The following PASK variants were observed in gnomAD, a reference collection of about 807,000 sequenced individuals.
PASK encodes PAS domain-containing serine/threonine-protein kinase.
Under a neutral mutation model 121.0 loss-of-function variants are expected in PASK, and 110 were observed. That is an observed-to-expected ratio of 0.91 (90% CI 0.78 to 1.06). The LOEUF (loss-of-function observed/expected upper bound fraction) is 1.06. Among genes scored for constraint, PASK ranks in the 50% least tolerant of loss-of-function variants. The pLI, the probability that PASK is intolerant of heterozygous loss-of-function variation, is 0.00. For missense variants in PASK, 1,643 were observed against 1,702.3 expected (o/e 0.97, Z 0.61); for synonymous variants, 686 against 717.8 (o/e 0.96, Z 0.71).
At chr2:241,134,287 G>C (rs1258861883) in intron 8 of PASK, 1 of 152,166 alleles carries the variant, frequency 6.6e-6, no homozygotes, top group African/African-American at 2.4e-5. Context: ...TCTGGAAAAA[G>C]GGGAAGGGGA....
chr2:241,121,024 A>G (rs561058174), intron 12 of PASK, among the ~76,000 whole-genome samples: 1 of 152,370 alleles, frequency 6.6e-6, no homozygotes, highest in Admixed American at 6.5e-5. Context: ...ACATGCTGCA[A>G]TATGGATGAA....
chr2:241,136,987 G>A lies in PASK; in HGVS notation c.1137+17C>T, dbSNP rs770098471. The A allele has an allele frequency of 6.8e-6, 11 of 1,609,966 alleles. No homozygotes were observed. Among genetic ancestry groups the A allele is most frequent in the South Asian group, 1.1e-5 (1 of 91,034 alleles). On this transcript the variant is annotated intron_variant, in intron 7 of 17. Transcript: ENST00000234040. ...TCCTCCCAGGGAACGGGAGCCAGGCGCCCAGGGCAGCCCCACCTTGCCCAG... is the reference window on the plus strand; with the variant it reads ...TCCTCCCAGGGAACGGGAGCCAGGCACCCAGGGCAGCCCCACCTTGCCCAG...
At position 241,108,496 on chromosome 2, in the gene PASK, T is replaced by C. The variant is rs2125399172; in HGVS notation, c.3534-196A>G. 3.1e-6 allele frequency: 2 copies of C among 651,706 alleles called. No homozygotes were observed. Among genetic ancestry groups the C allele is most frequent in the South Asian group, 3.4e-5 (2 of 58,418 alleles). The allele number at this position is 651,706 out of a possible 1,614,324, so 40.4% of individuals were successfully genotyped here. The stretch of plus-strand genomic sequence containing the variant: ...GCCCCAGGCCAGCCAGCAGGCCATG[T>C]GCCAGGAGTGGAGAGGCCATCGGGC... On this transcript the variant is annotated intron_variant, in intron 15 of 17. Transcript: ENST00000234040. The surrounding 1 kb of genome is among the most constrained non-coding windows in gnomAD (Gnocchi z 5.2).
chr2:241,118,252 AT>A (rs765556315), intron 12 of PASK, among the ~76,000 whole-genome samples: 23 of 152,268 alleles, frequency 1.5e-4, no homozygotes, highest in Non-Finnish European at 2.6e-4. Context: ...AAGGACTAGC[AT>A]TTTCCAGTTT....
intron 11 of PASK, among the ~76,000 whole-genome samples, chr2:241,123,603 A>G (rs2065722278): frequency 6.6e-6 from 1 of 152,056 alleles, no homozygotes; most frequent in Non-Finnish European, 1.5e-5. Flanking sequence ...GGATCGCCTG[A>G]GGTCAGGAGG....
intron 8 of PASK, 29 bp downstream of exon 8, chr2:241,135,842 G>A: frequency 6.2e-7 from 1 of 1,604,586 alleles, no homozygotes; most frequent in Non-Finnish European, 8.5e-7. Flanking sequence ...GCAGCTACAG[G>A]CGCATTCAGG....
At position 241,132,974 on chromosome 2, in the gene PASK, G is replaced by A. The variant is rs61752510; in HGVS notation, c.1363C>T (p.Arg455Trp). 2.2e-3 allele frequency: 3,550 copies of A among 1,613,778 alleles called. 62 individuals are homozygous for A. In the African/African-American group the frequency reaches 0.037, roughly 17 times the overall value. Residue 455 changes from arginine (R) to tryptophan (W), a missense_variant, in exon 9 of 18, where the codon CGG (arginine) becomes TGG (tryptophan). Coordinates refer to ENST00000234040, the MANE Select transcript of PASK (RefSeq NM_015148.4). ...GGHVVPRDEIRKLMESQDIFT... is the reference protein window; with the variant it reads ...GGHVVPRDEIWKLMESQDIFT... Reference sequence around the variant, plus strand: ...ATGTCTTGGCTTTCCATCAGCTTCCGGATCTCATCTCGGGGCACAACGTGG... The same window carrying A: ...ATGTCTTGGCTTTCCATCAGCTTCCAGATCTCATCTCGGGGCACAACGTGG...
intron 9 of PASK, among the ~76,000 whole-genome samples, chr2:241,128,695 C>A (rs758403851): frequency 6.6e-6 from 1 of 152,090 alleles, no homozygotes; most frequent in Non-Finnish European, 1.5e-5. Flanking sequence ...AGTGAGACCT[C>A]GTCTCTACAA....
At chr2:241,114,160 C>T (rs1056915) in intron 14 of PASK, 64,428 of 984,256 alleles carry the variant, frequency 0.065, 2,261 homozygotes, top group East Asian at 0.12. Flanking sequence ...AAAGGGAGGA[C>T]GTCACCTTCC....
In PASK at chr2:241,108,041, TAGAAA is replaced by T. The variant is rs2064958957; in HGVS notation, c.3667+121_3667+125del. 5 of 942,050 alleles carry T rather than the reference TAGAAA, an allele frequency of 5.3e-6. No individual in the cohort carries two copies. The East Asian group carries it at 1.2e-4, about 23-fold the overall frequency. 58.4% of individuals were successfully genotyped at this position (942,050 alleles called of 1,614,324 possible). On this transcript the variant is annotated intron_variant, in intron 16 of 17. Transcript: ENST00000234040. The surrounding 1 kb of genome is among the most constrained non-coding windows in gnomAD (Gnocchi z 5.2). Reference sequence around the variant, plus strand: ...AGTCATATGCAAATTATTTGATGAATAGAAAAGAAACAAATGAGACTGTTGATATG... The same window carrying T: ...AGTCATATGCAAATTATTTGATGAATAGAAACAAATGAGACTGTTGATATG...
chr2:241,139,551 C>G (rs879534214), intron 4 of PASK: 13 of 565,598 alleles, frequency 2.3e-5, no homozygotes, highest in Non-Finnish European at 2.8e-5. Flanking sequence ...AACCATATTA[C>G]TCTTGAGCAT....
At chr2:241,144,199 T>C (rs2066847874) in intron 1 of PASK, among the ~76,000 whole-genome samples, 1 of 151,968 alleles carries the variant, frequency 6.6e-6, no homozygotes, top group South Asian at 2.1e-4. Flanking sequence ...TCTTGTCACA[T>C]GTATACATTC....
chr2:241,132,527 TAAAAAAA>T (rs71049553), intron 9 of PASK, among the ~76,000 whole-genome samples: 2,164 of 39,602 alleles, frequency 0.055, 161 homozygotes, highest in East Asian at 0.34. Flanking sequence ...AGACTCTGTC[TAAAAAAA>T]AAAAAAAAAA....
At chr2:241,110,304 G>C (rs777219732) in intron 15 of PASK, among the ~76,000 whole-genome samples, 8 of 152,260 alleles carry the variant, frequency 5.3e-5, no homozygotes, top group Admixed American at 2.6e-4. Context: ...TGAGGAAGGG[G>C]AAGAGGGACC....
In PASK at chr2:241,142,952, C is replaced by G; in HGVS notation, c.81G>C (p.Glu27Asp). 6.2e-7 allele frequency: 1 copy of G among 1,613,940 alleles called. No homozygotes were observed. Among genetic ancestry groups the G allele is most frequent in the Non-Finnish European group, 8.5e-7 (1 of 1,179,844 alleles). The change falls in exon 2 of 18, where the codon GAG becomes GAC. Residue 27 changes from glutamate (E) to aspartate (D), a missense_variant. Coordinates refer to ENST00000234040, the MANE Select transcript of PASK (RefSeq NM_015148.4). ...CAGCAGTGGTCTGTGCAGCTGGGCCCTCTGCTGACACTGGCAAGGGGAGGC... is the reference window on the plus strand; with the variant it reads ...CAGCAGTGGTCTGTGCAGCTGGGCCGTCTGCTGACACTGGCAAGGGGAGGC... The part of the protein sequence containing the change: ...SQSLPLPVSA[E>D]GPAAQTTAEP...
intron 13 of PASK, 28 bp downstream of exon 13, chr2:241,115,260 A>G (rs1559360288): frequency 1.9e-6 from 3 of 1,613,916 alleles, no homozygotes; most frequent in African/African-American, 2.7e-5. Flanking sequence ...GAGCCAAGTT[A>G]GGGTATCTCT....
chr2:241,142,341 T>C (rs1401292961), intron 2 of PASK, among the ~76,000 whole-genome samples: 1 of 152,204 alleles, frequency 6.6e-6, no homozygotes, highest in African/African-American at 2.4e-5. Context: ...CAAGTGACGC[T>C]TCCTTCCTCA....
rs550226022 is a variant in PASK at position 241,110,973 on chromosome 2, G to A, written c.3533+1267C>T. Among the ~76,000 whole-genome samples the A allele has an allele frequency of 2.6e-5, 4 of 152,350 alleles. No individual in the cohort carries two copies. The East Asian group carries it at 5.8e-4, about 22-fold the overall frequency. On this transcript the variant is annotated intron_variant, in intron 15 of 17. Transcript: ENST00000234040. ...CATACTCTGCACACAGGGCATCCAGGCCCAGAAGAGCTCAACGCTGCCTGG... is the reference window on the plus strand; with the variant it reads ...CATACTCTGCACACAGGGCATCCAGACCCAGAAGAGCTCAACGCTGCCTGG...
chr2:241,125,261 A>G (rs1460020579), intron 10 of PASK, among the ~76,000 whole-genome samples: 1 of 150,958 alleles, frequency 6.6e-6, no homozygotes, highest in African/African-American at 2.4e-5. Flanking sequence ...AGACCATGCC[A>G]TTGCACTCCA....
Sources: allele counts gnomAD v4.1 joint callset (sites outside exome capture counted in the v4.1 genomes callset), GRCh38; gene constraint gnomAD v4.1.1; non-coding constraint Gnocchi (gnomAD v3.1); transcripts MANE v1.5; gene names NCBI Gene and HGNC (gene_info 2026-07-23, HGNC 2026-07-21).